Variants in PDE1C observed in about 807,000 individuals in gnomAD.
PDE1C encodes the protein phosphodiesterase 1C.
In PDE1C, 62 loss-of-function variants were observed where a neutral mutation model predicts 93.1. The observed-to-expected ratio is 0.67, with a 90% CI of 0.54 to 0.82. The LOEUF is 0.82. PDE1C is among the 40% of genes least tolerant of loss of function. The pLI is 0.00. For synonymous variants in PDE1C, 325 were observed against 310.1 expected (o/e 1.05, Z -0.50); for missense variants, 742 against 884.6 (o/e 0.84, Z 2.04).
intron 2 of PDE1C, among the ~76,000 whole-genome samples, chr7:31,936,917 T>C (rs2128991874): frequency 6.6e-6 from 1 of 152,190 alleles, no homozygotes; most frequent in Middle Eastern, 3.4e-3. Flanking sequence ...TTTATACATT[T>C]TAGGGAGACA....
At chr7:31,619,727 T>A in the PDE1C span, among the ~76,000 whole-genome samples, 1 of 152,092 alleles carries the variant, frequency 6.6e-6, no homozygotes, top group Non-Finnish European at 1.5e-5. Flanking sequence ...ACCAGTTCCA[T>A]CTCACTAGGG....
chr7:32,426,691 T>C (rs1389687380), intron 1 of PDE1C, among the ~76,000 whole-genome samples: 3 of 152,210 alleles, frequency 2.0e-5, no homozygotes, highest in Admixed American at 1.3e-4. Context: ...ATATGTCTTC[T>C]GGATGGAAGA....
intron 16 of PDE1C, among the ~76,000 whole-genome samples, chr7:31,807,398 T>G (rs1329267610): frequency 6.6e-6 from 1 of 151,872 alleles, no homozygotes; most frequent in Non-Finnish European, 1.5e-5. Context: ...ATTTTATCAC[T>G]TCCCCCCTCC....
chr7:32,028,265 CA>C (rs1221315211), intron 2 of PDE1C, among the ~76,000 whole-genome samples: 1 of 152,090 alleles, frequency 6.6e-6, no homozygotes. Flanking sequence ...CCATATTGAA[CA>C]GCAGATCTAG....
At chr7:32,037,186 T>G (rs1474304649) in intron 2 of PDE1C, among the ~76,000 whole-genome samples, 2 of 152,168 alleles carry the variant, frequency 1.3e-5, no homozygotes, top group African/African-American at 4.8e-5. Context: ...TATTTTAAAG[T>G]GATTCCTGGT....
At chr7:32,128,326 G>A (rs569281402) in intron 3 of PDE1C, among the ~76,000 whole-genome samples, 139 of 151,790 alleles carry the variant, frequency 9.2e-4, no homozygotes, top group Non-Finnish European at 1.5e-3. Flanking sequence ...TTCTAAACAT[G>A]AAACATAAAG....
intron 2 of PDE1C, among the ~76,000 whole-genome samples, chr7:31,922,624 A>G (rs935299584): frequency 6.6e-6 from 1 of 152,200 alleles, no homozygotes; most frequent in African/African-American, 2.4e-5. Flanking sequence ...ACATTTGGGT[A>G]TTTGAAGCAA....
At chr7:31,637,103 A>G in the PDE1C span, among the ~76,000 whole-genome samples, 2 of 151,954 alleles carry the variant, frequency 1.3e-5, no homozygotes, top group Non-Finnish European at 2.9e-5. Flanking sequence ...TCCATGGTGT[A>G]TATGTGCCAC....
At position 32,070,294 on chromosome 7, in the gene PDE1C, G is replaced by A; in HGVS notation, c.100C>T (p.Leu34=). 1 of 1,614,184 alleles carries A rather than the reference G, an allele frequency of 6.2e-7. No individual in the cohort carries two copies. The highest frequency in any genetic ancestry group is 8.5e-7 in the Non-Finnish European group (1 of 1,180,014). Residue 34 remains leucine, a splice_region_variant and synonymous_variant, in exon 1 of 18, where the codon CTG becomes TTG. Coordinates refer to ENST00000396191, the MANE Select transcript of PDE1C (RefSeq NM_001191057.4). ...IEKIWLRLRG[L]RKYKKTSQRL... is the part of the protein sequence containing the mutation. ...GGAGAAGTAAATAGGTATACTTACA[G>A]CCCGCGGAGCCGAAGCCAGATTTTC...
intron 3 of PDE1C, among the ~76,000 whole-genome samples, chr7:32,159,122 G>A (rs553600229): frequency 6.6e-6 from 1 of 152,314 alleles, no homozygotes; most frequent in South Asian, 2.1e-4. Flanking sequence ...GGGAGAGGGT[G>A]GGGGAGGACA....
intron 16 of PDE1C, among the ~76,000 whole-genome samples, chr7:31,793,420 A>G (rs1203018591): frequency 6.6e-6 from 1 of 152,034 alleles, no homozygotes. Flanking sequence ...CTATCACCTA[A>G]ACTCAAAGAA....
At chr7:31,759,801 C>G (rs1562749606) in intron 17 of PDE1C, among the ~76,000 whole-genome samples, 1 of 152,174 alleles carries the variant, frequency 6.6e-6, no homozygotes, top group East Asian at 1.9e-4. Context: ...ATAACAATTT[C>G]TCCCAAAGGT....
At chr7:32,030,942 G>A (rs919953191) in intron 2 of PDE1C, among the ~76,000 whole-genome samples, 2 of 151,920 alleles carry the variant, frequency 1.3e-5, no homozygotes, top group African/African-American at 4.8e-5. Context: ...TCTGCAACAA[G>A]AGGCATATCC....
chr7:32,016,244 G>A (rs1029329306), intron 2 of PDE1C, among the ~76,000 whole-genome samples: 4 of 152,160 alleles, frequency 2.6e-5, no homozygotes, highest in Non-Finnish European at 5.9e-5. Flanking sequence ...TAACACTGCC[G>A]CTTTAATAAA....
intron 17 of PDE1C, among the ~76,000 whole-genome samples, chr7:31,754,695 A>G (rs1263968305): frequency 6.6e-6 from 1 of 152,212 alleles, no homozygotes; most frequent in East Asian, 1.9e-4. Flanking sequence ...GGACATAACT[A>G]TAGAGATGAT....
the PDE1C span, among the ~76,000 whole-genome samples, chr7:31,621,045 G>A: frequency 2.0e-5 from 3 of 151,728 alleles, no homozygotes; most frequent in Non-Finnish European, 2.9e-5. Flanking sequence ...AGCAAGAAGG[G>A]AAGTTTAGAG....
the PDE1C span, among the ~76,000 whole-genome samples, chr7:31,617,364 T>TATC: frequency 6.6e-6 from 1 of 152,176 alleles, no homozygotes; most frequent in Admixed American, 6.5e-5. Context: ...TTGCCAAAGG[T>TATC]ATCATACCTC....
At chr7:31,997,988 T>TTATTA (rs1563165241) in intron 2 of PDE1C, among the ~76,000 whole-genome samples, 1 of 149,224 alleles carries the variant, frequency 6.7e-6, no homozygotes, top group African/African-American at 2.5e-5. Flanking sequence ...AAACATCTTA[T>TTATTA]TTTTATTTTA....
intron 1 of PDE1C, among the ~76,000 whole-genome samples, chr7:32,311,806 T>A (rs888627493): frequency 6.6e-6 from 1 of 152,200 alleles, no homozygotes; most frequent in African/African-American, 2.4e-5. Context: ...TCATACTGAA[T>A]GGGCAAAAAC....
Sources: allele counts gnomAD v4.1 joint callset (sites outside exome capture counted in the v4.1 genomes callset), GRCh38; gene constraint gnomAD v4.1.1; transcripts MANE v1.5; gene names NCBI Gene and HGNC (gene_info 2026-07-23, HGNC 2026-07-21).